Variants in AKT3 observed in about 807,000 individuals in gnomAD.
AKT3 encodes AKT serine/threonine kinase 3, also known as RAC-gamma serine/threonine-protein kinase.
A neutral mutation model predicts 65.3 loss-of-function variants in AKT3; 15 were observed. The observed-to-expected ratio is 0.23, with a 90% confidence interval of 0.15 to 0.35. AKT3 has a LOEUF of 0.35. Among genes scored for constraint, AKT3 ranks in the 10% least tolerant of loss-of-function variants. The pLI is 1.00. For missense variants in AKT3, 243 were observed against 576.5 expected (o/e 0.42, Z 5.92); for synonymous variants, 206 against 183.8 (o/e 1.12, Z -0.98).
At chr1:243,585,527 T>G (rs540900316) in intron 8 of AKT3, among the ~76,000 whole-genome samples, 1 of 152,110 alleles carries the variant, frequency 6.6e-6, no homozygotes. Context: ...AGCATGGTAC[T>G]GTAAAAAAAC....
intron 2 of AKT3, among the ~76,000 whole-genome samples, chr1:243,773,955 T>A (rs1029167118): frequency 6.6e-6 from 1 of 152,148 alleles, no homozygotes; most frequent in African/African-American, 2.4e-5. Flanking sequence ...ATTTTTAAGA[T>A]AACTTAACAA....
intron 12 of AKT3, among the ~76,000 whole-genome samples, chr1:243,526,778 TTAAAAAAAAAAAAAAAAAAAAA>T (rs1405797038): frequency 9.0e-5 from 5 of 55,726 alleles, no homozygotes; most frequent in South Asian, 1.6e-3. Flanking sequence ...CAAAAAATGG[TTAAAAAAAAAAAAAAAAAAAAA>T]AAAAAAAAAA....
intron 2 of AKT3, among the ~76,000 whole-genome samples, chr1:243,802,189 G>A (rs1211821097): frequency 6.6e-6 from 1 of 151,916 alleles, no homozygotes; most frequent in East Asian, 1.9e-4. Flanking sequence ...CTTTTTTGCT[G>A]GCTTAATTTC....
At chr1:243,849,725 G>T (rs1007098759) in intron 1 of AKT3, among the ~76,000 whole-genome samples, 2 of 151,672 alleles carry the variant, frequency 1.3e-5, no homozygotes, top group Non-Finnish European at 2.9e-5. Context: ...AGACACAGAC[G>T]GTACCGCTAG....
chr1:243,517,939 C>T (rs751137328), intron 12 of AKT3, among the ~76,000 whole-genome samples: 5 of 152,156 alleles, frequency 3.3e-5, no homozygotes, highest in Non-Finnish European at 4.4e-5. Context: ...ACAATATTTG[C>T]GGAATAAATG....
intron 2 of AKT3, among the ~76,000 whole-genome samples, chr1:243,726,850 T>C (rs1397661486): frequency 6.6e-6 from 1 of 152,200 alleles, no homozygotes; most frequent in Non-Finnish European, 1.5e-5. Context: ...AAGAAACTTG[T>C]TTTCCCAAAC....
chr1:243,640,861 G>A (rs931854371), intron 5 of AKT3, among the ~76,000 whole-genome samples: 4 of 152,178 alleles, frequency 2.6e-5, no homozygotes, highest in Non-Finnish European at 5.9e-5. Flanking sequence ...ACAGCGTGAG[G>A]GTTAATACTG....
chr1:243,506,714 C>G (rs1391299545), intron 13 of AKT3, among the ~76,000 whole-genome samples: 1 of 152,232 alleles, frequency 6.6e-6, no homozygotes, highest in Non-Finnish European at 1.5e-5. Context: ...TTGTGGCTCC[C>G]TGCTCTGTGT....
intron 5 of AKT3, among the ~76,000 whole-genome samples, chr1:243,641,626 T>A (rs1014529956): frequency 6.6e-6 from 1 of 152,214 alleles, no homozygotes; most frequent in Admixed American, 6.5e-5. Flanking sequence ...TATTACTATA[T>A]TCCTTAAGAA....
At chr1:243,513,258 G>T (rs956235518) in intron 12 of AKT3, among the ~76,000 whole-genome samples, 6 of 152,164 alleles carry the variant, frequency 3.9e-5, no homozygotes, top group African/African-American at 1.4e-4. Flanking sequence ...CTCTAGCCTT[G>T]AGGGACAGGT....
At chr1:243,807,484 G>T (rs932907932) in intron 2 of AKT3, among the ~76,000 whole-genome samples, 7 of 152,208 alleles carry the variant, frequency 4.6e-5, no homozygotes, top group Non-Finnish European at 1.0e-4. Flanking sequence ...CAAGGCTGAG[G>T]GAGGGGCGCC....
chr1:243,492,616 T>G (rs1180705295), intron 13 of AKT3, among the ~76,000 whole-genome samples: 6 of 144,520 alleles, frequency 4.2e-5, no homozygotes, highest in African/African-American at 1.0e-4. Context: ...TTTTTTTTTT[T>G]TTTTTTTTTT....
chr1:243,699,398 G>A (rs188392148), intron 2 of AKT3, among the ~76,000 whole-genome samples: 11 of 143,854 alleles, frequency 7.6e-5, no homozygotes, highest in East Asian at 2.1e-4. Flanking sequence ...TAAATGTATC[G>A]TCAAGATAAA....
chr1:243,838,648 A>G (rs1016212910), intron 2 of AKT3, among the ~76,000 whole-genome samples: 3 of 152,202 alleles, frequency 2.0e-5, no homozygotes, highest in Non-Finnish European at 2.9e-5. Context: ...CACAATCTTT[A>G]TGTTGCTAAA....
At chr1:243,714,157 C>A (rs754153587) in intron 2 of AKT3, among the ~76,000 whole-genome samples, 14 of 152,212 alleles carry the variant, frequency 9.2e-5, no homozygotes, top group Non-Finnish European at 1.8e-4. Context: ...CTAACAGTCA[C>A]TTACATGCAC....
At chr1:243,832,676 G>A (rs948212329) in intron 2 of AKT3, among the ~76,000 whole-genome samples, 3 of 152,270 alleles carry the variant, frequency 2.0e-5, no homozygotes, top group African/African-American at 7.2e-5. Flanking sequence ...CTTGAAACTA[G>A]AGTGGAATGG....
At position 243,843,114 on chromosome 1, in the gene AKT3, G is replaced by A. The variant is rs189753475; in HGVS notation, c.46+11C>T. On this transcript the variant is annotated intron_variant, in intron 2 of 13. Coordinates refer to ENST00000673466, the MANE Select transcript of AKT3 (RefSeq NM_005465.7). The stretch of plus-strand genomic sequence containing the variant: ...ACCAACCGTATTATTTTTGGTTTGC[G>A]GAGCACTTACCCCTCTTCTGAACCC... 1.4e-4 allele frequency: 218 copies of A among 1,613,236 alleles called. 1 individual carries two copies. The Admixed American group carries it at 2.8e-3, about 20-fold the overall frequency.
At chr1:243,672,338 TA>T (rs1355806569) in intron 3 of AKT3, among the ~76,000 whole-genome samples, 2 of 152,126 alleles carry the variant, frequency 1.3e-5, no homozygotes, top group Non-Finnish European at 2.9e-5. Flanking sequence ...AGTTAATGAT[TA>T]AAAAAAGTTC....
At chr1:243,849,632 C>T (rs2148490674) in intron 1 of AKT3, among the ~76,000 whole-genome samples, 1 of 151,858 alleles carries the variant, frequency 6.6e-6, no homozygotes, top group Admixed American at 6.5e-5. Context: ...CGCCCCCTCC[C>T]CACGCCGCGC....
Sources: gnomAD v4.1 joint callset for allele counts (sites outside exome capture counted in the v4.1 genomes callset) on GRCh38, gnomAD v4.1.1 for gene constraint, MANE v1.5 for transcripts, NCBI Gene and HGNC (gene_info 2026-07-23, HGNC 2026-07-21) for gene names.